RNF24: variants seen among roughly 807,000 people sequenced by gnomAD.
The protein encoded by RNF24 is ring finger protein 24.
RNF24 carries 14 observed loss-of-function variants against 20.0 expected under a neutral mutation model. The ratio of observed to expected loss-of-function variants is 0.70; its 90% confidence interval spans 0.46 to 1.10. The LOEUF (loss-of-function observed/expected upper bound fraction) is 1.10, where lower values mean the gene tolerates loss of function less well. RNF24 is among the 50% of genes least tolerant of loss of function. RNF24 has a pLI of 0.00. For missense variants in RNF24, 124 were observed against 177.6 expected (o/e 0.70, Z 1.71); for synonymous variants, 45 against 61.1 (o/e 0.74, Z 1.23).
intron 1 of RNF24, among the ~76,000 whole-genome samples, chr20:3,979,048 C>T (rs1183810359): frequency 1.3e-5 from 2 of 149,472 alleles, no homozygotes; most frequent in Non-Finnish European, 3.0e-5. Context: ...GAGCCAAGAT[C>T]GCGCCACTGC....
At chr20:3,990,454 A>G (rs1466668346) in intron 1 of RNF24, among the ~76,000 whole-genome samples, 1 of 152,212 alleles carries the variant, frequency 6.6e-6, no homozygotes, top group Non-Finnish European at 1.5e-5. Flanking sequence ...CATTTGTACC[A>G]GGCTCTTCAC....
intron 1 of RNF24, among the ~76,000 whole-genome samples, chr20:3,997,910 C>G (rs1242777709): frequency 6.6e-6 from 1 of 152,188 alleles, no homozygotes; most frequent in Non-Finnish European, 1.5e-5. Context: ...AATTAAGTAT[C>G]GCAGTCCAAA....
intron 4 of RNF24, among the ~76,000 whole-genome samples, chr20:3,937,766 A>G (rs2090908696): frequency 6.6e-6 from 1 of 152,188 alleles, no homozygotes; most frequent in Non-Finnish European, 1.5e-5. Flanking sequence ...AGGTTCATCT[A>G]TATTGTAACA....
In RNF24 at chr20:3,969,656, GC is replaced by G. The variant is rs201309472; in HGVS notation, c.-7-5633del. Among the ~76,000 whole-genome samples, 540 of 152,214 alleles carry G rather than the reference GC, an allele frequency of 3.5e-3. 2 individuals are homozygous for G. Among genetic ancestry groups the G allele is most frequent in the African/African-American group, 0.013 (524 of 41,514 alleles). ...ACTATGGCCACACCCCTATAGACAT[GC>G]CAGCAAAGGCTGAAGGCAGAGCCTA... On this transcript the variant is annotated intron_variant, in intron 1 of 5. Transcript: ENST00000358395.
chr20:3,980,730 G>C lies in RNF24; in HGVS notation c.-7-16706C>G, dbSNP rs115811865. Among the ~76,000 whole-genome samples, 3 of 152,200 alleles carry C rather than the reference G, an allele frequency of 2.0e-5. No individual in the cohort carries two copies. In the East Asian group the frequency reaches 5.8e-4, roughly 29 times the overall value. On this transcript the variant is annotated intron_variant, in intron 1 of 5. Transcript: ENST00000358395. ...TTTACAGCAGAGTTCATAAACTCAA[G>C]GCCTCTGGACTGAATCTGGCCTGAA...
chr20:3,982,792 G>C (rs1979535657), intron 1 of RNF24, among the ~76,000 whole-genome samples: 1 of 152,056 alleles, frequency 6.6e-6, no homozygotes, highest in Non-Finnish European at 1.5e-5. Context: ...GGGATGTTGA[G>C]GTGGAAGGAC....
At chr20:4,008,689 G>C (rs976492853) in intron 1 of RNF24, among the ~76,000 whole-genome samples, 2 of 149,576 alleles carry the variant, frequency 1.3e-5, no homozygotes, top group Non-Finnish European at 3.0e-5. Flanking sequence ...TGGGATTACA[G>C]GCACCCGCCA....
intron 1 of RNF24, among the ~76,000 whole-genome samples, chr20:3,991,122 G>A (rs1980397370): frequency 6.6e-6 from 1 of 151,396 alleles, no homozygotes; most frequent in South Asian, 2.1e-4. Flanking sequence ...CTGAATACCT[G>A]TTTATAATAT....
chr20:3,961,505 AG>A (rs2091201752), intron 2 of RNF24, among the ~76,000 whole-genome samples: 1 of 152,174 alleles, frequency 6.6e-6, no homozygotes, highest in African/African-American at 2.4e-5. Context: ...ATGAGGTAAA[AG>A]GGTGTTTCAT....
At chr20:3,948,110 T>C (rs2091041379) in intron 3 of RNF24, 127 bp downstream of exon 3, 2 of 668,044 alleles carry the variant, frequency 3.0e-6, no homozygotes, top group Non-Finnish European at 5.2e-6. Flanking sequence ...TACTGCAAAT[T>C]GGCAGTGAGA....
At chr20:3,952,338 A>C (rs551828632) in intron 2 of RNF24, among the ~76,000 whole-genome samples, 2 of 152,190 alleles carry the variant, frequency 1.3e-5, no homozygotes, top group African/African-American at 4.8e-5. Context: ...TGCTACTGTA[A>C]ATAGTGTTGA....
rs2090871458 is a variant in RNF24 at position 3,934,901 on chromosome 20, C to T, written c.308+93G>A. 1.0e-6 allele frequency: 1 copy of T among 965,546 alleles called. No homozygotes were observed. The highest frequency in any genetic ancestry group is 1.7e-6 in the Non-Finnish European group (1 of 603,492). The allele number at this position is 965,546 out of a possible 1,614,324, so 59.8% of individuals were successfully genotyped here. ...CATTACAGACCAATCATGAAGCCATCAAGCTTGTCTGGCACTGCCCTAAAA... is the reference window on the plus strand; with the variant it reads ...CATTACAGACCAATCATGAAGCCATTAAGCTTGTCTGGCACTGCCCTAAAA... On this transcript the variant is annotated intron_variant, in intron 5 of 5. Transcript: ENST00000358395. This position sits in a 1 kb window ranked among gnomAD's most constrained non-coding sequence, Gnocchi z 4.0.
At chr20:3,962,914 T>C (rs2091218967) in intron 2 of RNF24, among the ~76,000 whole-genome samples, 1 of 152,046 alleles carries the variant, frequency 6.6e-6, no homozygotes, top group Non-Finnish European at 1.5e-5. Context: ...TTGGCCAGGC[T>C]GGTCTCGAAC....
chr20:3,966,468 T>TTGTGTGTGTGTGTGTGTG (rs756737260), intron 1 of RNF24, among the ~76,000 whole-genome samples: 1 of 33,516 alleles, frequency 3.0e-5, no homozygotes, highest in Non-Finnish European at 7.6e-5. Context: ...ATTAAGGCTT[T>TTGTGTGTGTGTGTGTGTG]AGTGTGTGTG....
intron 1 of RNF24, among the ~76,000 whole-genome samples, chr20:4,000,272 C>A (rs1291763784): frequency 3.3e-5 from 5 of 152,164 alleles, no homozygotes; most frequent in Non-Finnish European, 7.4e-5. Flanking sequence ...GCCTGTGATC[C>A]CAGCACTTTG....
intron 1 of RNF24, among the ~76,000 whole-genome samples, chr20:4,009,331 C>T (rs182918029): frequency 1.3e-5 from 2 of 152,128 alleles, no homozygotes; most frequent in Admixed American, 1.3e-4. Flanking sequence ...TAAAGATGGG[C>T]AACGTCACGG....
In RNF24 at chr20:3,932,286, A is replaced by C. The variant is rs1369173995; in HGVS notation, c.*1777T>G. On this transcript the variant is annotated 3_prime_UTR_variant, in exon 6 of 6. Transcript: ENST00000358395. ...GAGAATGCAAAAAGACGGTGAAAGT[A>C]GGAGTGCATAAATAGTTTTTTTCAT... The C allele has an allele frequency of 6.6e-6, 1 of 152,254 alleles. No homozygotes were observed. Among genetic ancestry groups the C allele is most frequent in the Non-Finnish European group, 1.5e-5 (1 of 68,048 alleles). 9.4% of individuals were successfully genotyped at this position (152,254 alleles called of 1,614,324 possible).
At chr20:3,938,963 G>T (rs551680529) in intron 4 of RNF24, among the ~76,000 whole-genome samples, 1 of 152,120 alleles carries the variant, frequency 6.6e-6, no homozygotes, top group Admixed American at 6.5e-5. Context: ...ATGTTGCCCA[G>T]GCTGGTCTCA....
intron 1 of RNF24, among the ~76,000 whole-genome samples, chr20:4,013,489 C>CT (rs1286355670): frequency 1.3e-5 from 2 of 151,958 alleles, no homozygotes; most frequent in African/African-American, 4.8e-5. Flanking sequence ...ATAAAAATAG[C>CT]TTTTTTTTCA....
Sources: allele counts gnomAD v4.1 joint callset (sites outside exome capture counted in the v4.1 genomes callset), GRCh38; gene constraint gnomAD v4.1.1; non-coding constraint Gnocchi (gnomAD v3.1); transcripts MANE v1.5; gene names NCBI Gene and HGNC (gene_info 2026-07-23, HGNC 2026-07-21).